Variants in LRRC66 observed in about 807,000 individuals in gnomAD.
LRRC66 encodes leucine-rich repeat-containing protein 66.
In LRRC66, 29 loss-of-function variants were observed where a neutral mutation model predicts 24.6. That is an observed-to-expected ratio of 1.18 (90% CI 0.88 to 1.61). The LOEUF is 1.61. Among genes scored for constraint, LRRC66 ranks in the 40% most tolerant of loss-of-function variants. LRRC66 has a pLI of 0.00. For synonymous variants in LRRC66, 411 were observed against 397.6 expected, an observed-to-expected ratio of 1.03 and a Z score of -0.40; for missense variants, 1,124 against 1,058.0, an observed-to-expected ratio of 1.06 and a Z score of -0.87.
Position 51,995,543 on chromosome 4 carries a change from G to T in LRRC66, c.1479C>A (p.Asp493Glu). The T allele has an allele frequency of 6.2e-7, 1 of 1,614,172 alleles. No homozygotes were observed. Among genetic ancestry groups the T allele is most frequent in the South Asian group, 1.1e-5 (1 of 91,076 alleles). The change falls in exon 5 of 5, where the codon GAC (aspartate) becomes GAA (glutamate). Residue 493 changes from aspartate to glutamate, a missense_variant. Physicochemically the swap from Asp to Glu is conservative, Grantham distance 45 (BLOSUM62 2). Transcript: ENST00000682860. Reference protein sequence around the residue: ...GSSQSPGQCGDNTGAGSGNDG... With the variant: ...GSSQSPGQCGENTGAGSGNDG... ...CATTTCCACTTCCTGCCCCGGTGTT[G>T]TCCCCGCACTGTCCTGGGCTCTGCG...
chr4:52,016,929 A>T (rs952145644), intron 2 of LRRC66, among the ~76,000 whole-genome samples, 189 bp downstream of exon 2: 2 of 152,202 alleles, frequency 1.3e-5, no homozygotes, highest in Admixed American at 1.3e-4. Context: ...TGGGAGACTA[A>T]ATTTCATTAG....
chr4:52,010,885 T>C (rs1213325039), intron 2 of LRRC66, among the ~76,000 whole-genome samples: 1 of 152,186 alleles, frequency 6.6e-6, no homozygotes, highest in Non-Finnish European at 1.5e-5. Context: ...TTTTAATATA[T>C]ACAACGACAT....
Position 51,994,681 on chromosome 4 carries a change from G to C in LRRC66, c.2341C>G (p.Pro781Ala), listed in dbSNP as rs751441041. The C allele has an allele frequency of 3.7e-6, 6 of 1,614,178 alleles. No individual in the cohort carries two copies. The highest frequency in any genetic ancestry group is 1.7e-5 in the Admixed American group (1 of 60,006). ...DPFEKPLISA[P>A]DSGMYKTHLE... ...TGAGTCTTGTACATGCCAGAGTCTG[G>C]AGCAGAAATGAGAGGTTTTTCAAAG... Residue 781 changes from proline to alanine, a missense_variant, in exon 5 of 5, where the codon CCA (proline) becomes GCA (alanine). Pro to Ala is a conservative substitution (Grantham distance 27). Transcript: ENST00000682860.
chr4:52,015,051 G>T (rs1031624492), intron 2 of LRRC66, among the ~76,000 whole-genome samples: 1 of 152,172 alleles, frequency 6.6e-6, no homozygotes, highest in Non-Finnish European at 1.5e-5. Flanking sequence ...CTAACCCCCA[G>T]TTAGCTCAGG....
intron 4 of LRRC66, among the ~76,000 whole-genome samples, 175 bp from the exon 5 acceptor site, chr4:51,996,340 G>A (rs2110191329): frequency 6.6e-6 from 1 of 152,182 alleles, no homozygotes; most frequent in South Asian, 2.1e-4. Context: ...TCAGACTCCT[G>A]GGCTCAAGTG....
chr4:52,010,530 G>T (rs953530055), intron 2 of LRRC66, among the ~76,000 whole-genome samples: 1 of 151,942 alleles, frequency 6.6e-6, no homozygotes, highest in Non-Finnish European at 1.5e-5. Context: ...CCATCTTTAC[G>T]TCTGTTTGAA....
At chr4:52,016,825 A>G (rs1736822142) in intron 2 of LRRC66, among the ~76,000 whole-genome samples, 1 of 152,206 alleles carries the variant, frequency 6.6e-6, no homozygotes, top group Non-Finnish European at 1.5e-5. Context: ...TGATAATTAA[A>G]GTAGGTAACT....
chr4:52,019,167 A>G (rs976230030), intron 1 of LRRC66, among the ~76,000 whole-genome samples: 3 of 151,814 alleles, frequency 2.0e-5, no homozygotes, highest in African/African-American at 7.3e-5. Flanking sequence ...GAGCCACCAC[A>G]CCCGGCCAGC....
chr4:51,994,565 C>G lies in LRRC66; in HGVS notation c.2457G>C (p.Pro819=). The change falls in exon 5 of 5, where the codon CCG becomes CCC. Residue 819 remains proline (P), a synonymous_variant. Transcript: ENST00000682860. ...TGTCATAATCATAAGTGAACATGCC[C>G]GGAAACTCATCCCCTAAGGGACTAT... The part of the protein sequence containing the change: ...PGNSPLGDEF[P]GMFTYDYDTA... 2 of 1,614,130 alleles carry G rather than the reference C, an allele frequency of 1.2e-6. No individual in the cohort carries two copies. The highest frequency in any genetic ancestry group is 8.5e-7 in the Non-Finnish European group (1 of 1,180,024).
At chr4:52,011,668 T>C (rs1477733962) in intron 2 of LRRC66, among the ~76,000 whole-genome samples, 1 of 152,200 alleles carries the variant, frequency 6.6e-6, no homozygotes, top group Non-Finnish European at 1.5e-5. Context: ...GAACTAATGC[T>C]TTTGAACACC....
At chr4:52,004,296 C>T (rs1736526293) in intron 2 of LRRC66, among the ~76,000 whole-genome samples, 1 of 152,234 alleles carries the variant, frequency 6.6e-6, no homozygotes, top group Non-Finnish European at 1.5e-5. Flanking sequence ...GCATAAGCCG[C>T]CACACCCGGT....
intron 3 of LRRC66, among the ~76,000 whole-genome samples, chr4:52,001,506 C>A (rs1553937809): frequency 6.6e-6 from 1 of 152,188 alleles, no homozygotes; most frequent in Non-Finnish European, 1.5e-5. Flanking sequence ...GTTAAAAGAG[C>A]AGGCGACAGT....
At chr4:52,003,683 C>A (rs1736506734) in intron 2 of LRRC66, among the ~76,000 whole-genome samples, 1 of 152,034 alleles carries the variant, frequency 6.6e-6, no homozygotes, top group Non-Finnish European at 1.5e-5. Context: ...TTTGAGTGAG[C>A]AGGAAAAGGC....
At chr4:51,997,120 A>T (rs1736338767) in intron 4 of LRRC66, among the ~76,000 whole-genome samples, 1 of 152,156 alleles carries the variant, frequency 6.6e-6, no homozygotes. Flanking sequence ...TCTAGATATG[A>T]GGTTGAGATT....
intron 4 of LRRC66, 53 bp from the exon 5 acceptor site, chr4:51,996,218 C>A: frequency 6.8e-7 from 1 of 1,471,916 alleles, no homozygotes; most frequent in South Asian, 1.4e-5. Context: ...AATAAGATTT[C>A]AGGGGTTTTT....
At chr4:52,001,733 C>T (rs531966787) in intron 3 of LRRC66, among the ~76,000 whole-genome samples, 2 of 152,304 alleles carry the variant, frequency 1.3e-5, no homozygotes, top group Non-Finnish European at 2.9e-5. Context: ...CAAGGCCACG[C>T]TCCCCATCAC....
intron 3 of LRRC66, among the ~76,000 whole-genome samples, chr4:51,999,537 G>A (rs899032794): frequency 1.3e-5 from 2 of 152,176 alleles, no homozygotes; most frequent in African/African-American, 2.4e-5. Context: ...TCTTGGTGAC[G>A]ATCAGTAGCT....
At chr4:52,005,615 A>C (rs1290823171) in intron 2 of LRRC66, among the ~76,000 whole-genome samples, 1 of 109,638 alleles carries the variant, frequency 9.1e-6, no homozygotes, top group Non-Finnish European at 2.3e-5. Context: ...AAAAAAAAAA[A>C]CAGGAAAACA....
At chr4:52,005,037 C>T (rs1440012294) in intron 2 of LRRC66, among the ~76,000 whole-genome samples, 1 of 152,174 alleles carries the variant, frequency 6.6e-6, no homozygotes, top group African/African-American at 2.4e-5. Context: ...GCATGTCTAT[C>T]AGATGATCAA....
Sources: gnomAD v4.1 joint callset for allele counts (sites outside exome capture counted in the v4.1 genomes callset) on GRCh38, gnomAD v4.1.1 for gene constraint, MANE v1.5 for transcripts, NCBI Gene and HGNC (gene_info 2026-07-23, HGNC 2026-07-21) for gene names.